CRYBG3: variants seen among roughly 807,000 people sequenced by gnomAD.
The protein encoded by CRYBG3 is crystallin beta-gamma domain containing 3.
In CRYBG3, 127 loss-of-function variants were observed where a neutral mutation model predicts 244.2. The ratio of observed to expected loss-of-function variants is 0.52; its 90% CI spans 0.45 to 0.60. CRYBG3 has a LOEUF of 0.60. Ranked by LOEUF, CRYBG3 falls within the 20% of genes least tolerant of loss-of-function variation. The probability of loss-of-function intolerance (pLI) is 0.00; values close to 1 mark genes in which losing one functional copy is unlikely to be tolerated. For missense variants in CRYBG3, 3,325 were observed against 3,442.5 expected (o/e 0.97, Z 0.85); for synonymous variants, 1,132 against 1,195.8 (o/e 0.95, Z 1.10).
intron 1 of CRYBG3, among the ~76,000 whole-genome samples, chr3:97,827,845 CT>C (rs1351325376): frequency 2.0e-5 from 3 of 152,108 alleles, no homozygotes; most frequent in Admixed American, 1.3e-4. Flanking sequence ...AATTCAAAGC[CT>C]ACAGCATTAT....
chr3:97,923,683 T>C (rs1370433017), intron 17 of CRYBG3, among the ~76,000 whole-genome samples: 1 of 152,108 alleles, frequency 6.6e-6, no homozygotes, highest in Non-Finnish European at 1.5e-5. Context: ...AGCACATTTT[T>C]AAAAGTTGCA....
At chr3:97,892,820 T>C (rs1454062895) in intron 10 of CRYBG3, 40 bp from the exon 11 acceptor site, 1 of 1,077,282 alleles carries the variant, frequency 9.3e-7, no homozygotes, top group Non-Finnish European at 1.3e-6. Flanking sequence ...AGTAAATATG[T>C]GTCTATATTA....
intron 1 of CRYBG3, among the ~76,000 whole-genome samples, chr3:97,835,058 A>G (rs1183952866): frequency 1.3e-5 from 2 of 152,140 alleles, no homozygotes; most frequent in Non-Finnish European, 2.9e-5. Context: ...TTCTTCTTCA[A>G]GAGTTTGGAA....
chr3:97,909,567 C>T (rs1247185869), intron 15 of CRYBG3, among the ~76,000 whole-genome samples: 1 of 150,904 alleles, frequency 6.6e-6, no homozygotes, highest in African/African-American at 2.4e-5. Flanking sequence ...GCATTCTTCA[C>T]GTAGTTCTCG....
At chr3:97,826,402 T>G (rs2038577055) in intron 1 of CRYBG3, among the ~76,000 whole-genome samples, 1 of 152,180 alleles carries the variant, frequency 6.6e-6, no homozygotes, top group African/African-American at 2.4e-5. Flanking sequence ...GTTATAACAT[T>G]TTTAAGTTTT....
rs766737642 is a variant in CRYBG3, at chr3:97,877,104, A to G, written c.5910A>G (p.Ile1970Met). Residue 1970 changes from isoleucine to methionine, a missense_variant, in exon 4 of 22, where the codon ATA becomes ATG. Physicochemically the swap from Ile to Met is conservative, Grantham distance 10. Transcript: ENST00000389622. ...ACAAAAGAATGTCTCTTACTGCAAT[A>G]TATGACAAGAGGAGAGAGACAGATT... ...RLDKRMSLTA[I>M]YDKRRETDYS... 40 of 1,613,244 alleles carry G rather than the reference A, an allele frequency of 2.5e-5. No individual in the cohort carries two copies. The South Asian group carries it at 4.4e-4, about 18-fold the overall frequency.
chr3:97,861,222 G>A (rs750675362), intron 2 of CRYBG3, among the ~76,000 whole-genome samples: 8 of 152,072 alleles, frequency 5.3e-5, no homozygotes, highest in Non-Finnish European at 1.0e-4. Context: ...GTGTCTTTGT[G>A]CATACTATGG....
chr3:97,862,654 G>A (rs554267966), intron 2 of CRYBG3, among the ~76,000 whole-genome samples: 160 of 152,240 alleles, frequency 1.1e-3, no homozygotes, highest in Middle Eastern at 6.8e-3. Flanking sequence ...TATGAGGAGA[G>A]GGCACAGGTG....
intron 3 of CRYBG3, among the ~76,000 whole-genome samples, chr3:97,870,217 T>C (rs549237623): frequency 1.3e-5 from 2 of 152,266 alleles, no homozygotes; most frequent in Non-Finnish European, 2.9e-5. Flanking sequence ...TGTGAGGGTT[T>C]GGTGTACAGA....
Position 97,891,561 on chromosome 3 carries a change from C to T in CRYBG3, c.7441-1299C>T, listed in dbSNP as rs571077496. The stretch of plus-strand genomic sequence containing the variant: ...AGCTTCGTCACTGTCAAGACACTTT[C>T]GTAAGCAGTCATACCAGCTATTTAG... On this transcript the variant is annotated intron_variant, in intron 10 of 21. Coordinates refer to ENST00000389622, the MANE Select transcript of CRYBG3 (RefSeq NM_153605.4). Among the ~76,000 whole-genome samples the T allele has an allele frequency of 9.2e-5, 14 of 152,248 alleles. No individual in the cohort carries two copies. The East Asian group carries it at 1.4e-3, about 15-fold the overall frequency.
At chr3:97,861,160 T>C (rs1218691199) in intron 2 of CRYBG3, among the ~76,000 whole-genome samples, 3 of 152,176 alleles carry the variant, frequency 2.0e-5, no homozygotes, top group Non-Finnish European at 4.4e-5. Context: ...TCTTCTGTGC[T>C]CCAGTCTTCA....
intron 17 of CRYBG3, among the ~76,000 whole-genome samples, chr3:97,928,725 T>G (rs747804487): frequency 3.3e-5 from 5 of 152,106 alleles, no homozygotes; most frequent in Non-Finnish European, 5.9e-5. Context: ...TAAACATATT[T>G]CTGTTCCTAT....
chr3:97,936,664 A>C (rs1287956625), intron 18 of CRYBG3, 121 bp from the exon 19 acceptor site: 1 of 993,840 alleles, frequency 1.0e-6, no homozygotes, highest in East Asian at 2.6e-5. Context: ...AAAAATGTGC[A>C]ATTTTAAAAG....
intron 15 of CRYBG3, among the ~76,000 whole-genome samples, chr3:97,909,576 C>T (rs1224394685): frequency 4.7e-5 from 7 of 149,306 alleles, no homozygotes; most frequent in East Asian, 2.0e-4. Flanking sequence ...ACGTAGTTCT[C>T]GAGCCTTGGT....
rs571973286 is a variant in CRYBG3, at chr3:97,872,824, C to A, written c.1630C>A (p.His544Asn). The part of the protein sequence containing the change: ...ASAGESIASS[H>N]VKAPEDKIES... The stretch of plus-strand genomic sequence containing the variant: ...AGCTGGTGAATCCATAGCTTCAAGT[C>A]ATGTAAAAGCTCCAGAAGATAAAAT... Residue 544 changes from histidine to asparagine, a missense_variant, in exon 4 of 22, where the codon CAT (histidine) becomes AAT (asparagine). By Grantham distance (68) the His-to-Asn change is moderately conservative. This residue lies in a region of CRYBG3 where 1,526 missense variants were observed against 1,443.2 expected (regional missense o/e 1.06). Transcript: ENST00000389622. The A allele has an allele frequency of 3.9e-6, 6 of 1,535,874 alleles. No individual in the cohort carries two copies. In the South Asian group the frequency reaches 6.0e-5, roughly 15 times the overall value.
Position 97,864,225 on chromosome 3 carries a change from A to G in CRYBG3, c.225A>G (p.Gln75=). ...CTATTTTGTTTTCAAAGATTCGCCA[A>G]AGTGAGGACAAAAGGAACCATGCTG... is the stretch of plus-strand genomic sequence containing the variant. ...VLSSEAVKIR[Q]SEDKRNHAEK... The change falls in exon 3 of 22, where the codon CAA becomes CAG. Residue 75 remains glutamine, a synonymous_variant. Transcript: ENST00000389622. 1 of 1,487,526 alleles carries G rather than the reference A, an allele frequency of 6.7e-7. No homozygotes were observed. The highest frequency in any genetic ancestry group is 1.3e-5 in the South Asian group (1 of 76,166). The allele number at this position is 1,487,526 out of a possible 1,614,324, so 92.1% of individuals were successfully genotyped here.
Position 97,877,460 on chromosome 3 carries a change from A to G in CRYBG3, c.6266A>G (p.Tyr2089Cys), listed in dbSNP as rs745852493. Residue 2089 changes from tyrosine (Y) to cysteine (C), a missense_variant, in exon 4 of 22, where the codon TAT becomes TGT. Coordinates refer to ENST00000389622, the MANE Select transcript of CRYBG3 (RefSeq NM_153605.4). The stretch of plus-strand genomic sequence containing the variant: ...TATCCTTTAGCATTGTCTCCCATTT[A>G]TGAGGATGACAGCTCACAGGAGGAC... ...KIYPLALSPI[Y>C]EDDSSQEDIL... is the part of the protein sequence containing the mutation. 1.2e-5 allele frequency: 19 copies of G among 1,614,094 alleles called. No homozygotes were observed. The highest frequency in any genetic ancestry group is 1.5e-5 in the Non-Finnish European group (18 of 1,180,042).
intron 1 of CRYBG3, among the ~76,000 whole-genome samples, chr3:97,839,916 A>G (rs1559714573): frequency 6.6e-6 from 1 of 152,202 alleles, no homozygotes; most frequent in South Asian, 2.1e-4. Flanking sequence ...TGTCTAACAA[A>G]TAACTATTTG....
At chr3:97,835,124 TA>T (rs2038714045) in intron 1 of CRYBG3, among the ~76,000 whole-genome samples, 1 of 152,174 alleles carries the variant, frequency 6.6e-6, no homozygotes, top group Admixed American at 6.5e-5. Context: ...ATAATGCGTA[TA>T]TTTATATGTT....
Sources: gnomAD v4.1 joint callset for allele counts (sites outside exome capture counted in the v4.1 genomes callset) on GRCh38, gnomAD v4.1.1 for gene constraint, gnomAD v4.1.1 regional missense constraint, MANE v1.5 for transcripts, NCBI Gene and HGNC (gene_info 2026-07-23, HGNC 2026-07-21) for gene names.